Variants in MEGF11 observed in about 807,000 individuals in gnomAD.
The protein encoded by MEGF11 is multiple epidermal growth factor-like domains protein 11.
In MEGF11, 126 loss-of-function variants were observed where a neutral mutation model predicts 146.6. That is an observed-to-expected ratio of 0.86 (90% CI 0.74 to 1.00). The LOEUF (loss-of-function observed/expected upper bound fraction) is 1.00, where lower values mean the gene tolerates loss of function less well. Among genes scored for constraint, MEGF11 ranks in the 50% least tolerant of loss-of-function variants. The probability of loss-of-function intolerance (pLI) is 0.00; values close to 1 mark genes in which losing one functional copy is unlikely to be tolerated. For synonymous variants in MEGF11, 532 were observed against 583.4 expected (o/e 0.91, Z 1.27); for missense variants, 1,509 against 1,521.2 (o/e 0.99, Z 0.13).
In MEGF11 at chr15:65,916,865, G is replaced by A. The variant is rs939693021; in HGVS notation, c.2178C>T (p.His726=). The A allele has an allele frequency of 1.2e-6, 2 of 1,601,274 alleles. No homozygotes were observed. The highest frequency in any genetic ancestry group is 1.7e-6 in the Non-Finnish European group (2 of 1,172,408). The change falls in exon 17 of 26, where the codon CAC becomes CAT. Residue 726 remains histidine (H), a synonymous_variant. Coordinates refer to ENST00000395614, the MANE Select transcript of MEGF11 (RefSeq NM_001385028.1). ...ASCSAEDGAC[H]CTPGWTGLFC... Reference sequence around the variant, plus strand: ...AGAGTCCAGTCCAGCCAGGGGTGCAGTGGCAGGCCCCGTCCTCGGCGCTGC... The same window carrying A: ...AGAGTCCAGTCCAGCCAGGGGTGCAATGGCAGGCCCCGTCCTCGGCGCTGC...
intron 1 of MEGF11, among the ~76,000 whole-genome samples, chr15:66,189,381 C>T (rs890183245): frequency 1.3e-5 from 2 of 152,266 alleles, no homozygotes; most frequent in East Asian, 3.9e-4. Context: ...ACACTTCATG[C>T]TTTACAGAGC....
rs777087458 is a variant in MEGF11 at position 65,957,634 on chromosome 15, G to A, written c.1200C>T (p.Gly400=). 8.1e-6 allele frequency: 13 copies of A among 1,613,898 alleles called. No homozygotes were observed. The highest frequency in any genetic ancestry group is 4.5e-5 in the East Asian group (2 of 44,868). The change falls in exon 10 of 26, where the codon GGC becomes GGT. Residue 400 remains glycine, a synonymous_variant. Transcript: ENST00000395614. The part of the protein sequence containing the change: ...CNESCPVGYY[G]DGCQLPCTCQ... ...AGGTGCAAGGCAGCTGGCAGCCATC[G>A]CCATAGTAGCCAACAGGGCAGGATT...
chr15:66,198,296 C>T (rs1223935578), intron 1 of MEGF11, among the ~76,000 whole-genome samples: 2 of 152,096 alleles, frequency 1.3e-5, no homozygotes, highest in East Asian at 3.9e-4. Context: ...GGTTGGAAAC[C>T]ACTGCTATGA....
Position 65,918,095 on chromosome 15 carries a change from C to T in MEGF11, c.1958-1G>A. 6.2e-7 allele frequency: 1 copy of T among 1,613,830 alleles called. No homozygotes were observed. The highest frequency in any genetic ancestry group is 8.5e-7 in the Non-Finnish European group (1 of 1,179,888). The stretch of plus-strand genomic sequence containing the variant: ...TGCCCAAAGTATCCTCCAGCACACA[C>T]TGTGGGCACAGGGCAGCCTGGCACC... On this transcript the variant is annotated splice_acceptor_variant, in intron 15 of 25. Coordinates refer to ENST00000395614, the MANE Select transcript of MEGF11 (RefSeq NM_001385028.1). LOFTEE classifies it high-confidence loss of function.
At chr15:65,930,694 A>G (rs1402071428) in intron 11 of MEGF11, 129 bp downstream of exon 11, 2 of 1,199,262 alleles carry the variant, frequency 1.7e-6, no homozygotes, top group African/African-American at 1.5e-5. Context: ...CCCAACCAAT[A>G]TAGGCTCCCT....
At chr15:66,177,945 A>C (rs2090435081) in intron 1 of MEGF11, among the ~76,000 whole-genome samples, 1 of 151,966 alleles carries the variant, frequency 6.6e-6, no homozygotes, top group Non-Finnish European at 1.5e-5. Context: ...TTGGCCTCCC[A>C]AAGTGCTGGG....
At chr15:66,217,661 G>T (rs891728621) in intron 1 of MEGF11, among the ~76,000 whole-genome samples, 1 of 152,236 alleles carries the variant, frequency 6.6e-6, no homozygotes, top group African/African-American at 2.4e-5. Flanking sequence ...GATGTTGTGG[G>T]TACCACAGAA....
intron 9 of MEGF11, among the ~76,000 whole-genome samples, chr15:65,958,001 C>T (rs949212680): frequency 1.3e-5 from 2 of 152,224 alleles, no homozygotes; most frequent in African/African-American, 4.8e-5. Flanking sequence ...CTGACTCCCA[C>T]ACAAGCCTTC....
intron 10 of MEGF11, among the ~76,000 whole-genome samples, chr15:65,937,300 T>G (rs532565175): frequency 2.0e-5 from 3 of 152,194 alleles, no homozygotes; most frequent in Non-Finnish European, 4.4e-5. Flanking sequence ...CTGGGGAGTT[T>G]GCATTTGGCA....
intron 9 of MEGF11, among the ~76,000 whole-genome samples, chr15:65,962,952 G>A (rs2080916816): frequency 6.6e-6 from 1 of 152,178 alleles, no homozygotes; most frequent in Non-Finnish European, 1.5e-5. Context: ...GCTGAGATTA[G>A]CGGGAGAGAA....
intron 1 of MEGF11, among the ~76,000 whole-genome samples, chr15:66,248,506 A>G (rs1597175599): frequency 6.6e-6 from 1 of 152,190 alleles, no homozygotes; most frequent in Non-Finnish European, 1.5e-5. Context: ...TAAGTATTCA[A>G]TCTATATTTG....
intron 1 of MEGF11, among the ~76,000 whole-genome samples, chr15:66,213,771 T>G (rs1430122201): frequency 2.6e-5 from 4 of 151,954 alleles, no homozygotes; most frequent in Non-Finnish European, 4.4e-5. Flanking sequence ...TAACCACATG[T>G]GACTAGTAGC....
intron 5 of MEGF11, among the ~76,000 whole-genome samples, chr15:66,039,054 G>A (rs1212001637): frequency 1.3e-5 from 2 of 152,128 alleles, no homozygotes; most frequent in South Asian, 4.1e-4. Context: ...ATGCAGTCTC[G>A]GGCTCCACCT....
intron 5 of MEGF11, among the ~76,000 whole-genome samples, chr15:66,074,322 A>C (rs2085490174): frequency 6.6e-6 from 1 of 152,220 alleles, no homozygotes; most frequent in African/African-American, 2.4e-5. Context: ...GATATATTTG[A>C]GATTCATCCA....
chr15:66,144,213 G>A (rs1431867217), intron 1 of MEGF11, among the ~76,000 whole-genome samples: 1 of 152,150 alleles, frequency 6.6e-6, no homozygotes, highest in Non-Finnish European at 1.5e-5. Context: ...AGCCAACGAG[G>A]TGGGAGGGGT....
At chr15:65,916,803 T>C in intron 17 of MEGF11, 25 bp downstream of exon 17, 1 of 1,610,372 alleles carries the variant, frequency 6.2e-7, no homozygotes, top group Non-Finnish European at 8.5e-7. Flanking sequence ...TCTAAGTGGC[T>C]GGGAGGCCAG....
chr15:65,983,377 G>A (rs1208177599), intron 5 of MEGF11, among the ~76,000 whole-genome samples: 1 of 152,208 alleles, frequency 6.6e-6, no homozygotes, highest in Non-Finnish European at 1.5e-5. Context: ...CACCAAGCCT[G>A]CTGCCACCTC....
chr15:66,164,927 G>A (rs977318660), intron 1 of MEGF11, among the ~76,000 whole-genome samples: 7 of 152,332 alleles, frequency 4.6e-5, no homozygotes, highest in African/African-American at 1.7e-4. Context: ...CCACCAGGGA[G>A]GGGGCTCAGG....
At chr15:66,008,046 T>C (rs181927266) in intron 5 of MEGF11, among the ~76,000 whole-genome samples, 1 of 152,234 alleles carries the variant, frequency 6.6e-6, no homozygotes, top group African/African-American at 2.4e-5. Flanking sequence ...CAGTGAAGTG[T>C]CCACTATGCA....
Sources: gnomAD v4.1 joint callset for allele counts (sites outside exome capture counted in the v4.1 genomes callset) on GRCh38, gnomAD v4.1.1 for gene constraint, MANE v1.5 for transcripts, NCBI Gene and HGNC (gene_info 2026-07-23, HGNC 2026-07-21) for gene names.